COMMD1: variants seen among roughly 807,000 people sequenced by gnomAD.
COMMD1 encodes the protein COMM domain-containing protein 1.
A neutral mutation model predicts 17.2 loss-of-function variants in COMMD1; 10 were observed. The ratio of observed to expected loss-of-function variants is 0.58; its 90% confidence interval spans 0.36 to 0.99. The LOEUF is 0.99. Among genes scored for constraint, COMMD1 ranks in the 50% least tolerant of loss-of-function variants. The probability of loss-of-function intolerance (pLI) is 0.01; values close to 1 mark genes in which losing one functional copy is unlikely to be tolerated. For missense variants in COMMD1, 270 were observed against 231.8 expected (o/e 1.17, Z -1.07); for synonymous variants, 97 against 91.6 (o/e 1.06, Z -0.34).
intron 2 of COMMD1, among the ~76,000 whole-genome samples, chr2:62,068,240 T>C (rs1671107770): frequency 1.3e-5 from 2 of 152,194 alleles, no homozygotes; most frequent in African/African-American, 4.8e-5. Context: ...CATCTGTATG[T>C]GTTGAGGGGA....
chr2:61,960,113 A>ATGTGTG lies in COMMD1; in HGVS notation c.181-40572_181-40567dup, dbSNP rs70946771. Among the ~76,000 whole-genome samples the ATGTGTG allele has an allele frequency of 3.0e-3, 455 of 150,224 alleles. 2 individuals carry two copies. Among genetic ancestry groups the ATGTGTG allele is most frequent in the African/African-American group, 9.1e-3 (372 of 41,026 alleles). On this transcript the variant is annotated intron_variant, in intron 1 of 2. Transcript: ENST00000311832. ...AGCTAGGACAGCTGATTTGGAATAT[A>ATGTGTG]TGTGTGTGTGTGTGTGTGTGTACAC...
chr2:61,890,749 G>T (rs1033411660), intron 1 of COMMD1, among the ~76,000 whole-genome samples: 9 of 149,556 alleles, frequency 6.0e-5, no homozygotes, highest in South Asian at 2.1e-4. Flanking sequence ...ATCCCTTGAA[G>T]CCAGGAAGTG....
At chr2:61,999,311 G>A (rs761666748) in intron 1 of COMMD1, among the ~76,000 whole-genome samples, 1 of 152,140 alleles carries the variant, frequency 6.6e-6, no homozygotes, top group Non-Finnish European at 1.5e-5. Flanking sequence ...TTGGATGCTG[G>A]AATAGAGAAC....
At chr2:61,966,788 G>T (rs950784834) in intron 1 of COMMD1, among the ~76,000 whole-genome samples, 2 of 151,374 alleles carry the variant, frequency 1.3e-5, no homozygotes, top group African/African-American at 4.9e-5. Flanking sequence ...GAAATTAAAA[G>T]ATTTAATTGT....
intron 2 of COMMD1, among the ~76,000 whole-genome samples, chr2:62,044,171 C>T (rs143524402): frequency 3.0e-3 from 458 of 152,250 alleles, no homozygotes; most frequent in African/African-American, 0.01. Flanking sequence ...AAAACCCTTG[C>T]AAACTTTGGC....
In COMMD1 at chr2:62,000,698, T is replaced by C; in HGVS notation, c.181-3T>C. On this transcript the variant is annotated splice_polypyrimidine_tract_variant and splice_region_variant and intron_variant, in intron 1 of 2. Transcript: ENST00000311832. ...TTTTTTGCTTTTTCTGTCATCTTTA[T>C]AGTCTATTGCGTCTGCAGACATGGA... 1 of 1,614,138 alleles carries C rather than the reference T, an allele frequency of 6.2e-7. No individual in the cohort carries two copies. Among genetic ancestry groups the C allele is most frequent in the Non-Finnish European group, 8.5e-7 (1 of 1,180,006 alleles).
intron 2 of COMMD1, among the ~76,000 whole-genome samples, chr2:62,081,345 G>A (rs753915255): frequency 4.0e-5 from 6 of 150,838 alleles, no homozygotes; most frequent in African/African-American, 7.3e-5. Flanking sequence ...TCCGCCTCCC[G>A]GGTTCAAGCA....
At chr2:62,084,632 T>G (rs888717320) in intron 2 of COMMD1, among the ~76,000 whole-genome samples, 14 of 152,224 alleles carry the variant, frequency 9.2e-5, no homozygotes, top group African/African-American at 3.1e-4. Context: ...GCTCATTTGG[T>G]CTTTTTTTGT....
At chr2:61,985,267 G>C (rs1350427609) in intron 1 of COMMD1, among the ~76,000 whole-genome samples, 1 of 152,172 alleles carries the variant, frequency 6.6e-6, no homozygotes, top group South Asian at 2.1e-4. Flanking sequence ...AGCCAGGATG[G>C]TCTCGATCTC....
chr2:61,947,552 G>A (rs1017246961), intron 1 of COMMD1, among the ~76,000 whole-genome samples: 19 of 151,802 alleles, frequency 1.3e-4, no homozygotes, highest in Non-Finnish European at 2.1e-4. Flanking sequence ...GTGTGGTGGC[G>A]GGCGCCTGTA....
intron 2 of COMMD1, among the ~76,000 whole-genome samples, chr2:62,093,843 G>C (rs1223872061): frequency 6.6e-6 from 1 of 152,058 alleles, no homozygotes; most frequent in Admixed American, 6.5e-5. Flanking sequence ...CAAAATCATG[G>C]GCTACTCCAA....
At chr2:62,111,992 GGTAA>G (rs1672467445) in intron 2 of COMMD1, among the ~76,000 whole-genome samples, 2 of 152,128 alleles carry the variant, frequency 1.3e-5, no homozygotes, top group Non-Finnish European at 2.9e-5. Context: ...AAGTCTACGT[GGTAA>G]GTTCTTTGGT....
intron 1 of COMMD1, among the ~76,000 whole-genome samples, chr2:61,944,084 G>A (rs1473913803): frequency 2.0e-5 from 3 of 152,140 alleles, no homozygotes; most frequent in Non-Finnish European, 4.4e-5. Context: ...TGATAGTTCA[G>A]TTCCTCACAC....
chr2:61,948,671 A>G (rs917399083), intron 1 of COMMD1, among the ~76,000 whole-genome samples: 4 of 152,182 alleles, frequency 2.6e-5, no homozygotes, highest in African/African-American at 9.6e-5. Context: ...ATATTTTTCT[A>G]GTGGATAGAA....
At chr2:62,134,656 T>C (rs1673138191) in intron 2 of COMMD1, among the ~76,000 whole-genome samples, 2 of 151,890 alleles carry the variant, frequency 1.3e-5, no homozygotes, top group South Asian at 2.1e-4. Context: ...TGCATACCTG[T>C]AGTCCTAGCT....
intron 1 of COMMD1, among the ~76,000 whole-genome samples, chr2:61,987,344 C>G (rs1672131248): frequency 1.3e-5 from 2 of 152,174 alleles, no homozygotes; most frequent in East Asian, 1.9e-4. Flanking sequence ...GGAAGGCTTT[C>G]CAGGTATTTG....
At chr2:61,955,500 C>T (rs1336909807) in intron 1 of COMMD1, among the ~76,000 whole-genome samples, 1 of 151,964 alleles carries the variant, frequency 6.6e-6, no homozygotes, top group Non-Finnish European at 1.5e-5. Context: ...TTAGTTTGTC[C>T]TTTTATTGGT....
intron 1 of COMMD1, among the ~76,000 whole-genome samples, chr2:61,913,559 T>A (rs1212899407): frequency 6.6e-6 from 1 of 151,430 alleles, no homozygotes; most frequent in Non-Finnish European, 1.5e-5. Flanking sequence ...ACTAAAAAAT[T>A]AGCTCTACTA....
intron 2 of COMMD1, among the ~76,000 whole-genome samples, chr2:62,074,603 C>T (rs930392953): frequency 2.0e-5 from 3 of 152,202 alleles, no homozygotes; most frequent in African/African-American, 7.2e-5. Flanking sequence ...TTTCTGCTTT[C>T]TGTGTTTGGG....
Sources: gnomAD v4.1 joint callset for allele counts (sites outside exome capture counted in the v4.1 genomes callset) on GRCh38, gnomAD v4.1.1 for gene constraint, MANE v1.5 for transcripts, NCBI Gene and HGNC (gene_info 2026-07-23, HGNC 2026-07-21) for gene names.